The following SEM1 variants were observed in gnomAD, a reference collection of about 807,000 sequenced individuals.
SEM1 encodes the protein 26S proteasome complex subunit SEM1.
A neutral mutation model predicts 12.7 loss-of-function variants in SEM1; 3 were observed. That is an observed-to-expected ratio of 0.24 (90% CI 0.11 to 0.61). The LOEUF (loss-of-function observed/expected upper bound fraction) is 0.61. Ranked by LOEUF, SEM1 falls within the 20% of genes least tolerant of loss-of-function variation. The pLI is 0.88. For synonymous variants in SEM1, 30 were observed against 27.8 expected (o/e 1.08, Z -0.25); for missense variants, 59 against 81.3 (o/e 0.73, Z 1.06).
chr7:96,598,282 A>G (rs1273589861), intron 2 of SEM1, among the ~76,000 whole-genome samples: 1 of 152,198 alleles, frequency 6.6e-6, no homozygotes. Context: ...TGAGCTGGAT[A>G]GAATGCACAG....
intron 2 of SEM1, among the ~76,000 whole-genome samples, chr7:96,611,989 C>A (rs1487475366): frequency 7.1e-6 from 1 of 140,710 alleles, no homozygotes; most frequent in East Asian, 2.0e-4. Context: ...CTCTTCCTTA[C>A]CCCCCCAAAT....
intron 2 of SEM1, among the ~76,000 whole-genome samples, chr7:96,573,674 C>T (rs542359116): frequency 6.6e-6 from 1 of 152,192 alleles, no homozygotes; most frequent in South Asian, 2.1e-4. Flanking sequence ...GGTAATCCGA[C>T]CTTTCTCTCT....
intron 2 of SEM1, among the ~76,000 whole-genome samples, chr7:96,528,355 C>A (rs758466870): frequency 1.3e-5 from 2 of 152,034 alleles, no homozygotes; most frequent in Non-Finnish European, 2.9e-5. Context: ...CCACACCTGG[C>A]TAATTTTTGT....
At chr7:96,498,069 GT>G (rs573083895), upstream of SEM1, among the ~76,000 whole-genome samples, 96 of 152,248 alleles carry the variant, frequency 6.3e-4, 1 homozygote, top group African/African-American at 2.2e-3. Flanking sequence ...TGCGCTGAGT[GT>G]TTTACATGCA....
chr7:96,550,165 A>G (rs968527238), intron 2 of SEM1, among the ~76,000 whole-genome samples: 1 of 152,148 alleles, frequency 6.6e-6, no homozygotes. Context: ...GTTTAGTACA[A>G]CTGTTCTATT....
At chr7:96,556,056 C>T (rs1584760490) in intron 2 of SEM1, among the ~76,000 whole-genome samples, 1 of 151,764 alleles carries the variant, frequency 6.6e-6, no homozygotes, top group East Asian at 1.9e-4. Context: ...GATCTTCCTC[C>T]ATCCTTTTAT....
intron 2 of SEM1, among the ~76,000 whole-genome samples, chr7:96,690,593 C>T (rs192241067): frequency 1.5e-4 from 23 of 152,204 alleles, no homozygotes; most frequent in Admixed American, 6.5e-4. Context: ...TAATATCATA[C>T]GACATACACA....
intron 2 of SEM1, among the ~76,000 whole-genome samples, chr7:96,624,422 C>T (rs1407524107): frequency 6.6e-6 from 1 of 152,022 alleles, no homozygotes; most frequent in African/African-American, 2.4e-5. Flanking sequence ...TCAAGTGGGT[C>T]GGAGCATGGG....
rs377653839 is a variant in SEM1, at chr7:96,510,283, AT to A, written c.171-3586del. ...TGTTCTGAGAAATGCAATGTGTGTG[AT>A]TTTGTCGTTGTGCAAACATCATAGT... On this transcript the variant is annotated intron_variant and NMD_transcript_variant, in intron 2 of 3. Transcript: ENST00000466986. Among the ~76,000 whole-genome samples the A allele has an allele frequency of 2.7e-4, 41 of 152,238 alleles. No individual in the cohort carries two copies. In the East Asian group the frequency reaches 7.0e-3, roughly 26 times the overall value.
At chr7:96,594,575 T>C (rs1050086666) in intron 2 of SEM1, among the ~76,000 whole-genome samples, 5 of 152,206 alleles carry the variant, frequency 3.3e-5, no homozygotes, top group African/African-American at 1.2e-4. Context: ...CTAATGAAGC[T>C]TAAGCTTCAT....
intron 2 of SEM1, among the ~76,000 whole-genome samples, chr7:96,678,292 T>A (rs147057585): frequency 1.3e-5 from 2 of 152,236 alleles, no homozygotes; most frequent in East Asian, 3.9e-4. Flanking sequence ...AATGAAGTGG[T>A]AGAGGTAGAT....
intron 2 of SEM1, among the ~76,000 whole-genome samples, chr7:96,537,173 G>T (rs1194099392): frequency 6.6e-6 from 1 of 151,618 alleles, no homozygotes; most frequent in South Asian, 2.1e-4. Flanking sequence ...GATTAGTATA[G>T]GTGTCTCATA....
intron 2 of SEM1, among the ~76,000 whole-genome samples, chr7:96,615,032 T>A (rs1807667345): frequency 6.6e-6 from 1 of 152,168 alleles, no homozygotes; most frequent in African/African-American, 2.4e-5. Flanking sequence ...CACAGCCATA[T>A]CCATTTTTAC....
At chr7:96,662,009 A>AG (rs35805988) in intron 2 of SEM1, among the ~76,000 whole-genome samples, 2 of 140,460 alleles carry the variant, frequency 1.4e-5, no homozygotes, top group South Asian at 4.3e-4. Context: ...AAAAAAAAAA[A>AG]AGTCAGCAAA....
chr7:96,656,125 T>A (rs192860435), intron 2 of SEM1, among the ~76,000 whole-genome samples: 173 of 152,312 alleles, frequency 1.1e-3, no homozygotes, highest in African/African-American at 4.1e-3. Context: ...AATGTAAAGA[T>A]TCCCTCCACC....
At chr7:96,695,150 T>C (rs1790048273) in intron 1 of SEM1, 1 of 279,254 alleles carries the variant, frequency 3.6e-6, no homozygotes, top group Non-Finnish European at 6.6e-6. Flanking sequence ...GGATATTTAC[T>C]TTACTGATTT....
Position 96,556,811 on chromosome 7 carries a change from A to G in SEM1, c.171-50113T>C, listed in dbSNP as rs1423399521. On this transcript the variant is annotated intron_variant and NMD_transcript_variant, in intron 2 of 3. Coordinates refer to the SEM1 transcript ENST00000466986. The stretch of plus-strand genomic sequence containing the variant: ...TTTCCAACTTGGTTCCATTCTCCCC[A>G]TCACTTTCAGGTACACCAATCAGAC... 5.2e-5 allele frequency among the ~76,000 whole-genome samples: 7 copies of G among 135,128 alleles called. No homozygotes were observed. The South Asian group carries it at 1.1e-3, about 21-fold the overall frequency. 88.6% of individuals were successfully genotyped at this position (135,128 alleles called of 152,430 possible). A position where few individuals can be genotyped will look rare whatever the true frequency, so the allele number is the denominator to read the frequency against.
chr7:96,664,037 C>T (rs1789092434), intron 2 of SEM1: 1 of 152,166 alleles, frequency 6.6e-6, no homozygotes, highest in Non-Finnish European at 1.5e-5. Flanking sequence ...TGTGGGAGCA[C>T]TAATTGCCTT....
intron 2 of SEM1, among the ~76,000 whole-genome samples, chr7:96,657,110 A>G (rs1401839279): frequency 6.6e-6 from 1 of 152,170 alleles, no homozygotes; most frequent in African/African-American, 2.4e-5. Flanking sequence ...GGACACTTTG[A>G]AACAGTGAGA....
Sources: gnomAD v4.1 joint callset for allele counts (sites outside exome capture counted in the v4.1 genomes callset) on GRCh38, gnomAD v4.1.1 for gene constraint, MANE v1.5 for transcripts, NCBI Gene and HGNC (gene_info 2026-07-23, HGNC 2026-07-21) for gene names.